The following TSC22D1 variants were observed in gnomAD, a reference collection of about 807,000 sequenced individuals.
The protein encoded by TSC22D1 is TSC22 domain family protein 1.
Under a neutral mutation model 74.2 loss-of-function variants are expected in TSC22D1, and 9 were observed. The ratio of observed to expected loss-of-function variants is 0.12; its 90% confidence interval spans 0.07 to 0.21. TSC22D1 has a LOEUF of 0.21. Among genes scored for constraint, TSC22D1 ranks in the 10% least tolerant of loss-of-function variants. The pLI is 1.00. For missense variants in TSC22D1, 1,427 were observed against 1,304.7 expected (o/e 1.09, Z -1.44); for synonymous variants, 586 against 492.5 (o/e 1.19, Z -2.51).
intron 1 of TSC22D1, among the ~76,000 whole-genome samples, chr13:44,553,994 C>T (rs995266914): frequency 2.0e-5 from 3 of 152,098 alleles, no homozygotes; most frequent in Non-Finnish European, 2.9e-5. Flanking sequence ...GGTACAGAAC[C>T]GCTGCTTTAG....
At chr13:44,539,355 A>G (rs1407181552) in intron 1 of TSC22D1, 3 of 985,252 alleles carry the variant, frequency 3.0e-6, no homozygotes, top group Non-Finnish European at 3.6e-6. Flanking sequence ...ACAGTGTAGG[A>G]TAACACTTGG....
intron 1 of TSC22D1, chr13:44,537,101 A>G: frequency 1.1e-6 from 1 of 921,024 alleles, no homozygotes; most frequent in Non-Finnish European, 1.3e-6. Flanking sequence ...CAGTAAGTGC[A>G]TTTTTTTCAT....
chr13:44,504,147 A>C (rs1181564409), intron 1 of TSC22D1, among the ~76,000 whole-genome samples: 8 of 151,878 alleles, frequency 5.3e-5, no homozygotes, highest in African/African-American at 1.9e-4. Context: ...GAAAAAAAAA[A>C]AAAAAACTAC....
chr13:44,470,594 T>A (rs1310089683), intron 1 of TSC22D1, among the ~76,000 whole-genome samples: 3 of 152,214 alleles, frequency 2.0e-5, no homozygotes, highest in Admixed American at 2.0e-4. Flanking sequence ...GGTCTGGTGC[T>A]ACCTTTACGA....
intron 1 of TSC22D1, among the ~76,000 whole-genome samples, chr13:44,503,619 T>C (rs1366784993): frequency 2.6e-5 from 4 of 152,210 alleles, no homozygotes; most frequent in Non-Finnish European, 5.9e-5. Context: ...TAGAAAAGTC[T>C]TTCAGTATTT....
intron 1 of TSC22D1, among the ~76,000 whole-genome samples, chr13:44,503,338 C>G (rs1169788853): frequency 6.6e-6 from 1 of 150,916 alleles, no homozygotes; most frequent in Non-Finnish European, 1.5e-5. Context: ...AGAAAAAAAA[C>G]AGAGAAGAGA....
intron 1 of TSC22D1, among the ~76,000 whole-genome samples, chr13:44,522,838 T>A (rs562613915): frequency 6.6e-6 from 1 of 152,122 alleles, no homozygotes; most frequent in Admixed American, 6.5e-5. Flanking sequence ...TCATTAAAAT[T>A]GAAAATTTTT....
intron 1 of TSC22D1, among the ~76,000 whole-genome samples, chr13:44,551,310 G>GGTGTGTGTGT (rs370742852): frequency 0.011 from 1,522 of 132,850 alleles, 25 homozygotes; most frequent in African/African-American, 0.017. Flanking sequence ...ATCAGCTGGG[G>GGTGTGTGTGT]GTGTGTGTGT....
intron 1 of TSC22D1, among the ~76,000 whole-genome samples, chr13:44,510,522 TTATAAA>T (rs753157439): frequency 6.2e-4 from 94 of 152,376 alleles, no homozygotes; most frequent in Non-Finnish European, 9.8e-4. Flanking sequence ...ACAGCACTAT[TTATAAA>T]TATAGTAGAA....
rs1335632618 is a variant in TSC22D1, at chr13:44,432,487, C to T, written c.*2139G>A. ...CAATATGAAAGATTTTTCTTTACGT[C>T]CTTTTCAAATTCCCCCAAAATATCT... On this transcript the variant is annotated 3_prime_UTR_variant, in exon 3 of 3. Coordinates refer to ENST00000458659, the MANE Select transcript of TSC22D1 (RefSeq NM_183422.4). 6.6e-6 allele frequency: 1 copy of T among 152,194 alleles called. No individual in the cohort carries two copies. The highest frequency in any genetic ancestry group is 2.4e-5 in the African/African-American group (1 of 41,436). The allele number at this position is 152,194 out of a possible 1,614,324, so 9.4% of individuals were successfully genotyped here.
At chr13:44,543,801 A>G (rs917442335) in intron 1 of TSC22D1, among the ~76,000 whole-genome samples, 2 of 152,248 alleles carry the variant, frequency 1.3e-5, no homozygotes, top group African/African-American at 2.4e-5. Context: ...TATCAAAAGT[A>G]TAACTTTCGG....
intron 1 of TSC22D1, among the ~76,000 whole-genome samples, chr13:44,510,729 A>G (rs1879677015): frequency 6.6e-6 from 1 of 152,084 alleles, no homozygotes; most frequent in Non-Finnish European, 1.5e-5. Flanking sequence ...AGTAGCTGGA[A>G]CTACAGGAAT....
intron 1 of TSC22D1, among the ~76,000 whole-genome samples, chr13:44,486,652 G>A (rs1465047443): frequency 2.0e-5 from 3 of 152,096 alleles, no homozygotes; most frequent in Non-Finnish European, 2.9e-5. Flanking sequence ...AAGAATTACA[G>A]GCATACATGG....
At chr13:44,554,520 T>A (rs1031721811) in intron 1 of TSC22D1, among the ~76,000 whole-genome samples, 1 of 152,008 alleles carries the variant, frequency 6.6e-6, no homozygotes, top group Non-Finnish European at 1.5e-5. Flanking sequence ...CCATGTCTTT[T>A]TTTTTCTTCA....
At chr13:44,500,148 G>A (rs990257849) in intron 1 of TSC22D1, among the ~76,000 whole-genome samples, 1 of 151,276 alleles carries the variant, frequency 6.6e-6, no homozygotes, top group African/African-American at 2.4e-5. Context: ...CTAACTTACG[G>A]CCCATTTTTA....
chr13:44,563,175 A>G (rs1175696305), intron 1 of TSC22D1, among the ~76,000 whole-genome samples: 1 of 152,024 alleles, frequency 6.6e-6, no homozygotes, highest in African/African-American at 2.4e-5. Context: ...TCAAACCTTT[A>G]AAACTGAGGC....
intron 1 of TSC22D1, among the ~76,000 whole-genome samples, chr13:44,449,143 A>C (rs1231461483): frequency 6.6e-6 from 1 of 152,162 alleles, no homozygotes; most frequent in Non-Finnish European, 1.5e-5. Flanking sequence ...GCTCTTGGTG[A>C]GAACTGGCCC....
intron 1 of TSC22D1, among the ~76,000 whole-genome samples, chr13:44,439,173 C>T (rs903804784): frequency 6.6e-6 from 1 of 152,178 alleles, no homozygotes; most frequent in Non-Finnish European, 1.5e-5. Flanking sequence ...TATTGAAGGA[C>T]ATTACAGTTA....
At chr13:44,506,019 G>A (rs1377196323) in intron 1 of TSC22D1, among the ~76,000 whole-genome samples, 1 of 152,188 alleles carries the variant, frequency 6.6e-6, no homozygotes, top group Non-Finnish European at 1.5e-5. Context: ...AGAGCAAGGT[G>A]GGGAATAATA....
Sources: gnomAD v4.1 joint callset for allele counts (sites outside exome capture counted in the v4.1 genomes callset) on GRCh38, gnomAD v4.1.1 for gene constraint, MANE v1.5 for transcripts, NCBI Gene and HGNC (gene_info 2026-07-23, HGNC 2026-07-21) for gene names.